Variants in USP5 observed in about 807,000 individuals in gnomAD.
The protein encoded by USP5 is ubiquitin carboxyl-terminal hydrolase 5.
In USP5, 24 loss-of-function variants were observed where a neutral mutation model predicts 102.5. The ratio of observed to expected loss-of-function variants is 0.23; its 90% CI spans 0.17 to 0.33. The LOEUF is 0.33. Ranked by LOEUF, USP5 falls within the 10% of genes least tolerant of loss-of-function variation. The pLI is 1.00. For missense variants in USP5, 753 were observed against 1,122.1 expected (o/e 0.67, Z 4.70); for synonymous variants, 460 against 434.8 (o/e 1.06, Z -0.72).
chr12:6,864,365 G>GAACTTGTTAAAC lies in USP5; in HGVS notation c.2244+170_2244+171insAACTTGTTAAAC, dbSNP rs1231160051. The stretch of plus-strand genomic sequence containing the variant: ...AGCTGAAGCCTGCGTTCACTGCTGG[G>GAACTTGTTAAAC]TTTTTTGCCCCAGAACTTGTTAAAA... On this transcript the variant is annotated intron_variant, in intron 17 of 19. Transcript: ENST00000229268. The surrounding 1 kb of genome is among the most constrained non-coding windows in gnomAD (Gnocchi z 4.8). Among the ~76,000 whole-genome samples the GAACTTGTTAAAC allele has an allele frequency of 6.6e-6, 1 of 152,154 alleles. No individual in the cohort carries two copies. Among genetic ancestry groups the GAACTTGTTAAAC allele is most frequent in the African/African-American group, 2.4e-5 (1 of 41,440 alleles).
At position 6,852,307 on chromosome 12, in the gene USP5, CG is replaced by C. The variant is rs782240204; in HGVS notation, c.111+18del. On this transcript the variant is annotated intron_variant, in intron 1 of 19. Transcript: ENST00000229268. ...GACACGCCGGTAAGCCCATTCCCCA[CG>C]CCCGCAACGAGCACGACTTCCTTCC... 7 of 1,594,848 alleles carry C rather than the reference CG, an allele frequency of 4.4e-6. No individual in the cohort carries two copies. Among genetic ancestry groups the C allele is most frequent in the Non-Finnish European group, 5.1e-6 (6 of 1,170,374 alleles).
chr12:6,854,212 C>T (rs868990192), intron 1 of USP5, among the ~76,000 whole-genome samples: 6 of 152,154 alleles, frequency 3.9e-5, no homozygotes, highest in African/African-American at 9.7e-5. Flanking sequence ...GTTGTCAGAA[C>T]GGGATGGCTT....
At position 6,860,038 on chromosome 12, in the gene USP5, T is replaced by G. The variant is rs1226625567; in HGVS notation, c.1131-113T>G. Reference sequence around the variant, plus strand: ...AGCTGGGTTCCTGTAGAATCTAAGGTTTTTCACGTTGTTGAGAGTTAGCTA... The same window carrying G: ...AGCTGGGTTCCTGTAGAATCTAAGGGTTTTCACGTTGTTGAGAGTTAGCTA... On this transcript the variant is annotated intron_variant, in intron 9 of 19. Coordinates refer to ENST00000229268, the MANE Select transcript of USP5 (RefSeq NM_001098536.2). The surrounding 1 kb of genome is among the most constrained non-coding windows in gnomAD (Gnocchi z 5.5). 8.6e-7 allele frequency: 1 copy of G among 1,165,154 alleles called. No homozygotes were observed. Among genetic ancestry groups the G allele is most frequent in the Non-Finnish European group, 1.2e-6 (1 of 804,826 alleles). The allele number at this position is 1,165,154 out of a possible 1,614,324, so 72.2% of individuals were successfully genotyped here.
Position 6,861,587 on chromosome 12 carries a change from C to T in USP5, c.1643C>T (p.Thr548Met), listed in dbSNP as rs782241158. 8 of 1,584,434 alleles carry T rather than the reference C, an allele frequency of 5.0e-6. No homozygotes were observed. The highest frequency in any genetic ancestry group is 1.1e-5 in the South Asian group (1 of 89,620). ...GAGCAGGTCGATGACTTCTGGAGCA[C>T]GGCCCTGCAGGCCAAGTCAGTAGCT... ...APEQVDDFWS[T>M]ALQAKSVAVK... Residue 548 changes from threonine to methionine, a missense_variant, in exon 13 of 20, where the codon ACG becomes ATG. By Grantham distance (81) the Thr-to-Met change is moderately conservative. Transcript: ENST00000229268. This position sits in a 1 kb window ranked among gnomAD's most constrained non-coding sequence, Gnocchi z 4.9.
At chr12:6,854,447 G>C (rs1310956597) in intron 1 of USP5, among the ~76,000 whole-genome samples, 1 of 152,162 alleles carries the variant, frequency 6.6e-6, no homozygotes, top group Admixed American at 6.5e-5. Context: ...CTACCTGGTA[G>C]AATGTGGTAA....
Position 6,856,192 on chromosome 12 carries a change from TG to T in USP5, c.438+45del. On this transcript the variant is annotated intron_variant, in intron 4 of 19. Coordinates refer to ENST00000229268, the MANE Select transcript of USP5 (RefSeq NM_001098536.2). The surrounding 1 kb of genome is among the most constrained non-coding windows in gnomAD (Gnocchi z 5.6). ...TGCTACCCAAGATTCTAGAGCAAGATGGGCCAGGGTAGTGGTGTCTTAGGCA... is the reference window on the plus strand; with the variant it reads ...TGCTACCCAAGATTCTAGAGCAAGATGGCCAGGGTAGTGGTGTCTTAGGCA... 1 of 1,612,776 alleles carries T rather than the reference TG, an allele frequency of 6.2e-7. No homozygotes were observed. Among genetic ancestry groups the T allele is most frequent in the Non-Finnish European group, 8.5e-7 (1 of 1,179,126 alleles).
chr12:6,865,171 G>A lies in USP5; in HGVS notation c.2406G>A (p.Gln802=), dbSNP rs781823151. ...PKVRDGPGKY[Q]LFAFISHMGT... Reference sequence around the variant, plus strand: ...CCCTCTCTCCTTTCCTAGAGTATCAGCTCTTTGCCTTCATTAGTCACATGG... The same window carrying A: ...CCCTCTCTCCTTTCCTAGAGTATCAACTCTTTGCCTTCATTAGTCACATGG... The change falls in exon 19 of 20, where the codon CAG becomes CAA. Residue 802 remains glutamine (Q), a synonymous_variant. Coordinates refer to ENST00000229268, the MANE Select transcript of USP5 (RefSeq NM_001098536.2). The A allele has an allele frequency of 2.5e-6, 4 of 1,613,400 alleles. No homozygotes were observed. The highest frequency in any genetic ancestry group is 2.5e-6 in the Non-Finnish European group (3 of 1,179,372).
At chr12:6,853,001 A>G (rs1228173086) in intron 1 of USP5, among the ~76,000 whole-genome samples, 1 of 144,238 alleles carries the variant, frequency 6.9e-6, no homozygotes, top group Non-Finnish European at 1.5e-5. Flanking sequence ...GGAGGATGCT[A>G]AGGCCTCTTT....
Position 6,858,615 on chromosome 12 carries a change from G to A in USP5, c.1056G>A (p.Arg352=). 1 of 1,601,062 alleles carries A rather than the reference G, an allele frequency of 6.2e-7. No individual in the cohort carries two copies. The highest frequency in any genetic ancestry group is 8.6e-7 in the Non-Finnish European group (1 of 1,169,278). ...TCTTCAGCATCCCTGACTTCCAGAG[G>A]AAGTGAGTAGTGCCCTCTCCTTCCC... ...QVLFSIPDFQ[R]KYVDKLEKIF... Residue 352 remains arginine, a splice_region_variant and synonymous_variant, in exon 8 of 20, where the codon AGG becomes AGA. Transcript: ENST00000229268. The surrounding 1 kb of genome is among the most constrained non-coding windows in gnomAD (Gnocchi z 4.2).
chr12:6,865,910 T>C, intron 19 of USP5, 74 bp from the exon 20 acceptor site: 1 of 1,317,478 alleles, frequency 7.6e-7, no homozygotes, highest in Non-Finnish European at 1.1e-6. Flanking sequence ...CCAGGGGCCA[T>C]GTCTGAGAGA....
rs782305326 is a variant in USP5 at position 6,852,303 on chromosome 12, C to T, written c.111+13C>T. 1.3e-6 allele frequency: 2 copies of T among 1,598,996 alleles called. No individual in the cohort carries two copies. The highest frequency in any genetic ancestry group is 1.7e-6 in the Non-Finnish European group (2 of 1,172,836). ...CTTCGACACGCCGGTAAGCCCATTC[C>T]CCACGCCCGCAACGAGCACGACTTC... On this transcript the variant is annotated intron_variant, in intron 1 of 19. Transcript: ENST00000229268.
Position 6,861,099 on chromosome 12 carries a change from T to A in USP5, c.1491T>A (p.Leu497=). ...TGCCTGTGCCCATGGATGCAGCCCTTAACAAAGGTAGGCTGCTCCATCAGC... is the reference window on the plus strand; with the variant it reads ...TGCCTGTGCCCATGGATGCAGCCCTAAACAAAGGTAGGCTGCTCCATCAGC... ...MQLPVPMDAA[L]NKEELLEYEE... is the part of the protein sequence containing the mutation. The change falls in exon 12 of 20, where the codon CTT becomes CTA. Residue 497 remains leucine (L), a synonymous_variant. Coordinates refer to ENST00000229268, the MANE Select transcript of USP5 (RefSeq NM_001098536.2). This position sits in a 1 kb window ranked among gnomAD's most constrained non-coding sequence, Gnocchi z 4.9. The A allele has an allele frequency of 6.2e-7, 1 of 1,614,104 alleles. No individual in the cohort carries two copies. The highest frequency in any genetic ancestry group is 2.2e-5 in the East Asian group (1 of 44,884).
intron 8 of USP5, 128 bp from the exon 9 acceptor site, chr12:6,859,342 G>A (rs782336145): frequency 2.2e-5 from 19 of 883,196 alleles, no homozygotes; most frequent in Non-Finnish European, 2.9e-5. Flanking sequence ...GCGACTCCAA[G>A]GTTCACCCAC....
At chr12:6,862,702 A>G in intron 14 of USP5, 144 bp downstream of exon 14, 1 of 689,162 alleles carries the variant, frequency 1.5e-6, no homozygotes, top group East Asian at 2.7e-5. Flanking sequence ...ATCTAGTTTG[A>G]AAGCACTAAC....
At position 6,864,473 on chromosome 12, in the gene USP5, C is replaced by T. The variant is rs2071060; in HGVS notation, c.2245-249C>T. Among the ~76,000 whole-genome samples, 3 of 152,074 alleles carry T rather than the reference C, an allele frequency of 2.0e-5. No homozygotes were observed. Among genetic ancestry groups the T allele is most frequent in the Non-Finnish European group, 2.9e-5 (2 of 68,012 alleles). Reference sequence around the variant, plus strand: ...GGGAGGGTGAGGTGGGCGGATCACGCGGTCAGCAGATCAAGACCATCCTGG... The same window carrying T: ...GGGAGGGTGAGGTGGGCGGATCACGTGGTCAGCAGATCAAGACCATCCTGG... On this transcript the variant is annotated intron_variant, in intron 17 of 19. Coordinates refer to ENST00000229268, the MANE Select transcript of USP5 (RefSeq NM_001098536.2). This position sits in a 1 kb window ranked among gnomAD's most constrained non-coding sequence, Gnocchi z 4.8.
At position 6,860,591 on chromosome 12, in the gene USP5, C is replaced by G; in HGVS notation, c.1344+100C>G. 2 of 1,561,998 alleles carry G rather than the reference C, an allele frequency of 1.3e-6. No individual in the cohort carries two copies. Among genetic ancestry groups the G allele is most frequent in the South Asian group, 2.3e-5 (2 of 85,496 alleles). On this transcript the variant is annotated intron_variant, in intron 11 of 19. Transcript: ENST00000229268. The surrounding 1 kb of genome is among the most constrained non-coding windows in gnomAD (Gnocchi z 5.5). ...TATCAGCCCCAACCCAGTCCCATCC[C>G]TGAACCCCAACAGTCTGTGTCCCTG...
In USP5 at chr12:6,863,756, G is replaced by C. The variant is rs1555130067; in HGVS notation, c.1955-74G>C. On this transcript the variant is annotated intron_variant, in intron 15 of 19. Transcript: ENST00000229268. The surrounding 1 kb of genome is among the most constrained non-coding windows in gnomAD (Gnocchi z 4.7). Reference sequence around the variant, plus strand: ...TGGAATGGGTGATTGGAAGAGGGCTGGGTCCTGGGGGAGGGAGGAGGAGCA... The same window carrying C: ...TGGAATGGGTGATTGGAAGAGGGCTCGGTCCTGGGGGAGGGAGGAGGAGCA... 2 of 1,498,600 alleles carry C rather than the reference G, an allele frequency of 1.3e-6. No individual in the cohort carries two copies. Among genetic ancestry groups the C allele is most frequent in the Non-Finnish European group, 1.8e-6 (2 of 1,122,986 alleles). 92.8% of individuals were successfully genotyped at this position (1,498,600 alleles called of 1,614,324 possible). A position where few individuals can be genotyped will look rare whatever the true frequency, so the allele number is the denominator to read the frequency against.
chr12:6,860,333 C>T lies in USP5; in HGVS notation c.1219-33C>T. ...AGAAGGCCCCTGGATGGCCACTGAG[C>T]CCCAGCTGAGTCCCTGCCCTGACTC... On this transcript the variant is annotated intron_variant, in intron 10 of 19. Coordinates refer to ENST00000229268, the MANE Select transcript of USP5 (RefSeq NM_001098536.2). This position sits in a 1 kb window ranked among gnomAD's most constrained non-coding sequence, Gnocchi z 5.5. 1.2e-6 allele frequency: 2 copies of T among 1,614,006 alleles called. No homozygotes were observed. Among genetic ancestry groups the T allele is most frequent in the South Asian group, 2.2e-5 (2 of 91,076 alleles).
In USP5 at chr12:6,856,292, C is replaced by T; in HGVS notation, c.439-13C>T. 6.2e-7 allele frequency: 1 copy of T among 1,610,592 alleles called. No individual in the cohort carries two copies. Among genetic ancestry groups the T allele is most frequent in the South Asian group, 1.1e-5 (1 of 90,628 alleles). On this transcript the variant is annotated splice_polypyrimidine_tract_variant and intron_variant, in intron 4 of 19. Coordinates refer to ENST00000229268, the MANE Select transcript of USP5 (RefSeq NM_001098536.2). The surrounding 1 kb of genome is among the most constrained non-coding windows in gnomAD (Gnocchi z 5.6). ...GGGGTTGGGTATTGCCTCTGACCCT[C>T]TGCTTCCCCCAGGTGACCAGTGCAG...
Sources: allele counts gnomAD v4.1 joint callset (sites outside exome capture counted in the v4.1 genomes callset), GRCh38; gene constraint gnomAD v4.1.1; non-coding constraint Gnocchi (gnomAD v3.1); transcripts MANE v1.5; gene names NCBI Gene and HGNC (gene_info 2026-07-23, HGNC 2026-07-21).